C1QTNF3: variants seen among roughly 807,000 people sequenced by gnomAD.
C1QTNF3 encodes C1q and TNF related 3.
C1QTNF3 carries 26 observed loss-of-function variants against 32.6 expected under a neutral mutation model. The observed-to-expected ratio is 0.80, with a 90% CI of 0.58 to 1.11. The LOEUF is 1.11. C1QTNF3 is among the 50% of genes least tolerant of loss of function. The pLI, the probability that C1QTNF3 is intolerant of heterozygous loss-of-function variation, is 0.00. For synonymous variants in C1QTNF3, 155 were observed against 146.0 expected (o/e 1.06, Z -0.44); for missense variants, 362 against 398.2 (o/e 0.91, Z 0.77).
chr5:34,155,560 T>C, the C1QTNF3 span, among the ~76,000 whole-genome samples: 2 of 152,308 alleles, frequency 1.3e-5, no homozygotes, highest in South Asian at 4.1e-4. Flanking sequence ...TTAAGAACTC[T>C]ATTGACAGAT....
chr5:34,188,406 T>C, the C1QTNF3 span, among the ~76,000 whole-genome samples: 1 of 152,278 alleles, frequency 6.6e-6, no homozygotes, highest in African/African-American at 2.4e-5. Context: ...TTGCACTGTG[T>C]GCCTGGAAAA....
At chr5:34,138,787 AC>A in the C1QTNF3 span, among the ~76,000 whole-genome samples, 5 of 152,296 alleles carry the variant, frequency 3.3e-5, no homozygotes, top group African/African-American at 1.2e-4. Context: ...TTGAAAAAAT[AC>A]TTTTTTTGAG....
the C1QTNF3 span, among the ~76,000 whole-genome samples, chr5:34,173,020 T>A: frequency 8.4e-3 from 1,279 of 152,280 alleles, 52 homozygotes; most frequent in Admixed American, 0.068. Flanking sequence ...GGACTTTTAA[T>A]CTAGATGCTC....
Position 34,028,743 on chromosome 5 carries a change from T to C in C1QTNF3, c.700+11A>G. On this transcript the variant is annotated intron_variant, in intron 4 of 5. Coordinates refer to ENST00000382065, the MANE Select transcript of C1QTNF3 (RefSeq NM_181435.6). ...GATTAACTCAATCTTCATCCTATGT[T>C]TCCATCTCACCTGATACTGGGGCCC... The C allele has an allele frequency of 6.2e-7, 1 of 1,600,300 alleles. No individual in the cohort carries two copies. Among genetic ancestry groups the C allele is most frequent in the Non-Finnish European group, 8.5e-7 (1 of 1,173,118 alleles).
At chr5:34,045,486 T>C (rs532405073), upstream of C1QTNF3, among the ~76,000 whole-genome samples, 1 of 152,228 alleles carries the variant, frequency 6.6e-6, no homozygotes, top group African/African-American at 2.4e-5. Flanking sequence ...AATAATAATA[T>C]CCATAATTTG....
chr5:34,058,458 T>C, the C1QTNF3 span, among the ~76,000 whole-genome samples: 1 of 152,166 alleles, frequency 6.6e-6, no homozygotes, highest in South Asian at 2.1e-4. Flanking sequence ...AATCACACTT[T>C]GCTTTCCCGG....
the C1QTNF3 span, among the ~76,000 whole-genome samples, chr5:34,137,287 G>C: frequency 6.6e-6 from 1 of 151,988 alleles, no homozygotes; most frequent in South Asian, 2.1e-4. Context: ...AAATTTTCTG[G>C]TTTTATTTTA....
rs769356498 is a variant in C1QTNF3, at chr5:34,035,628, A to G, written c.415+19T>C. The G allele has an allele frequency of 7.8e-6, 12 of 1,536,888 alleles. No individual in the cohort carries two copies. Among genetic ancestry groups the G allele is most frequent in the Non-Finnish European group, 9.9e-6 (11 of 1,110,770 alleles). On this transcript the variant is annotated intron_variant, in intron 2 of 5. Coordinates refer to ENST00000382065, the MANE Select transcript of C1QTNF3 (RefSeq NM_181435.6). ...CTCAGGCTGCAATTAGATTGACAGT[A>G]TGTCTTGCTCATCCTTACCTGGAAT...
chr5:34,035,068 G>A (rs1211761830), intron 2 of C1QTNF3, among the ~76,000 whole-genome samples: 1 of 152,128 alleles, frequency 6.6e-6, no homozygotes, highest in Non-Finnish European at 1.5e-5. Context: ...GGAGACCTGG[G>A]CTACCCTTTC....
chr5:34,237,984 C>A, the C1QTNF3 span, among the ~76,000 whole-genome samples: 1 of 152,206 alleles, frequency 6.6e-6, no homozygotes, highest in Non-Finnish European at 1.5e-5. Flanking sequence ...CACTCTTAAG[C>A]ACCATGCATT....
At chr5:34,174,069 A>G in the C1QTNF3 span, among the ~76,000 whole-genome samples, 63 of 152,304 alleles carry the variant, frequency 4.1e-4, no homozygotes, top group African/African-American at 1.2e-3. Flanking sequence ...TTTACAAAAC[A>G]TATCTTGAGC....
At chr5:34,233,857 C>T in the C1QTNF3 span, among the ~76,000 whole-genome samples, 1 of 151,980 alleles carries the variant, frequency 6.6e-6, no homozygotes, top group East Asian at 1.9e-4. Context: ...TCAACTATTA[C>T]ACCAAACATT....
the C1QTNF3 span, among the ~76,000 whole-genome samples, chr5:34,236,180 A>C: frequency 1.3e-5 from 2 of 152,220 alleles, no homozygotes; most frequent in African/African-American, 4.8e-5. Context: ...AGTATATAAG[A>C]ATGAGAAATA....
chr5:34,100,604 T>G, the C1QTNF3 span, among the ~76,000 whole-genome samples: 1 of 150,088 alleles, frequency 6.7e-6, no homozygotes, highest in Admixed American at 6.7e-5. Flanking sequence ...CTGTTTTATG[T>G]TAAAGTAATT....
At chr5:34,022,991 G>T (rs1319759857) in intron 5 of C1QTNF3, among the ~76,000 whole-genome samples, 1 of 152,164 alleles carries the variant, frequency 6.6e-6, no homozygotes, top group Non-Finnish European at 1.5e-5. Context: ...GAGTAGCTGG[G>T]ACTACAGGCG....
At chr5:34,031,943 CA>C (rs1399167895) in intron 3 of C1QTNF3, among the ~76,000 whole-genome samples, 2 of 152,194 alleles carry the variant, frequency 1.3e-5, no homozygotes, top group Non-Finnish European at 2.9e-5. Context: ...GGAACTTATA[CA>C]GGGTCAAACC....
At chr5:34,221,097 G>GT in the C1QTNF3 span, among the ~76,000 whole-genome samples, 5 of 151,918 alleles carry the variant, frequency 3.3e-5, no homozygotes, top group Admixed American at 1.3e-4. Context: ...ATAGCAAAAT[G>GT]TTTTTTTCTT....
At chr5:34,230,211 G>A in the C1QTNF3 span, among the ~76,000 whole-genome samples, 1 of 152,310 alleles carries the variant, frequency 6.6e-6, no homozygotes, top group East Asian at 1.9e-4. Flanking sequence ...GGATTCTAAA[G>A]CCTGGGAAAG....
chr5:34,104,968 C>G, the C1QTNF3 span, among the ~76,000 whole-genome samples: 1 of 150,792 alleles, frequency 6.6e-6, no homozygotes, highest in East Asian at 1.9e-4. Flanking sequence ...ATCAAATATT[C>G]TAATTTATTT....
Sources: allele counts gnomAD v4.1 joint callset (sites outside exome capture counted in the v4.1 genomes callset), GRCh38; gene constraint gnomAD v4.1.1; transcripts MANE v1.5; gene names NCBI Gene and HGNC (gene_info 2026-07-23, HGNC 2026-07-21).